Variants in TAF4 observed in about 807,000 individuals in gnomAD.
TAF4 encodes the protein transcription initiation factor TFIID subunit 4.
In TAF4, 9 loss-of-function variants were observed where a neutral mutation model predicts 90.3. The ratio of observed to expected loss-of-function variants is 0.10; its 90% CI spans 0.06 to 0.17. The LOEUF (loss-of-function observed/expected upper bound fraction) is 0.17, where lower values mean the gene tolerates loss of function less well. Ranked by LOEUF, TAF4 falls within the 10% of genes least tolerant of loss-of-function variation. The probability of loss-of-function intolerance (pLI) is 1.00; values close to 1 mark genes in which losing one functional copy is unlikely to be tolerated. For synonymous variants in TAF4, 818 were observed against 638.9 expected (o/e 1.28, Z -4.23); for missense variants, 1,351 against 1,370.7 (o/e 0.99, Z 0.23).
intron 1 of TAF4, among the ~76,000 whole-genome samples, chr20:62,018,288 A>G (rs1053754797): frequency 6.6e-6 from 1 of 152,188 alleles, no homozygotes; most frequent in African/African-American, 2.4e-5. Flanking sequence ...CTGTGTGATG[A>G]TCTGAGGACA....
At chr20:61,992,374 GT>G (rs1458542096) in intron 14 of TAF4, among the ~76,000 whole-genome samples, 5 of 152,130 alleles carry the variant, frequency 3.3e-5, no homozygotes, top group Non-Finnish European at 7.3e-5. Flanking sequence ...ATGTCCAAAG[GT>G]AGGAGATATT....
chr20:62,064,328 C>T (rs1237472756), intron 1 of TAF4, 123 bp downstream of exon 1: 5 of 1,163,236 alleles, frequency 4.3e-6, no homozygotes, highest in East Asian at 3.2e-5. Context: ...GCCCCTCGGC[C>T]TGCTCCAGCC....
chr20:62,008,938 G>A (rs959235152), intron 5 of TAF4, 114 bp downstream of exon 5: 7 of 1,410,466 alleles, frequency 5.0e-6, no homozygotes, highest in Admixed American at 2.4e-5. Context: ...CAGCCTTCCA[G>A]AGGAGCTCTC....
In TAF4 at chr20:62,064,527, C is replaced by A; in HGVS notation, c.1284G>T (p.Thr428=). The A allele has an allele frequency of 1.3e-6, 2 of 1,529,834 alleles. No individual in the cohort carries two copies. The highest frequency in any genetic ancestry group is 1.8e-6 in the Non-Finnish European group (2 of 1,142,320). 94.8% of individuals were successfully genotyped at this position (1,529,834 alleles called of 1,614,324 possible). Residue 428 remains threonine, a synonymous_variant, in exon 1 of 15, where the codon ACG becomes ACT. Transcript: ENST00000252996. The stretch of plus-strand genomic sequence containing the variant: ...GCAAGCGGGGGGCCAGCACGGTGGG[C>A]GTCAGGGTGGCCCGAATCCCGCTGG... ...ATTSGIRATL[T]PTVLAPRLPQ...
At chr20:62,019,226 T>C (rs529670217) in intron 1 of TAF4, among the ~76,000 whole-genome samples, 1 of 152,328 alleles carries the variant, frequency 6.6e-6, no homozygotes, top group East Asian at 1.9e-4. Context: ...GCCCCTCTCC[T>C]GGCTGGCACA....
At chr20:61,988,025 G>A (rs1460724048) in intron 14 of TAF4, among the ~76,000 whole-genome samples, 3 of 152,192 alleles carry the variant, frequency 2.0e-5, no homozygotes, top group Non-Finnish European at 2.9e-5. Context: ...GAAACTAGGA[G>A]ACAATAAGAT....
intron 9 of TAF4, among the ~76,000 whole-genome samples, chr20:62,001,238 G>GA (rs1290218678): frequency 6.6e-6 from 1 of 152,200 alleles, no homozygotes; most frequent in Non-Finnish European, 1.5e-5. Context: ...ACCGGGCCAT[G>GA]ATGAATGGCC....
chr20:62,065,340 G>A lies in TAF4; in HGVS notation c.471C>T (p.Pro157=), dbSNP rs2056123649. 3.1e-6 allele frequency: 3 copies of A among 961,900 alleles called. No individual in the cohort carries two copies. Among genetic ancestry groups the A allele is most frequent in the Non-Finnish European group, 3.7e-6 (3 of 814,446 alleles). 59.6% of individuals were successfully genotyped at this position (961,900 alleles called of 1,614,324 possible). A position where few individuals can be genotyped will look rare whatever the true frequency, so the allele number is the denominator to read the frequency against. ...GCGCGGCGGGGCCGGCGGGCTTGGCGGGGCCGGCGGGGGCGGGCTCGGGCC... is the reference window on the plus strand; with the variant it reads ...GCGCGGCGGGGCCGGCGGGCTTGGCAGGGCCGGCGGGGGCGGGCTCGGGCC... The part of the protein sequence containing the change: ...AAGPEPAPAG[P]AKPAGPAALA... The change falls in exon 1 of 15, where the codon CCC becomes CCT. Residue 157 remains proline (P), a synonymous_variant. Transcript: ENST00000252996.
intron 7 of TAF4, among the ~76,000 whole-genome samples, chr20:62,004,323 C>CTTT (rs1434356168): frequency 7.9e-5 from 9 of 114,002 alleles, no homozygotes; most frequent in African/African-American, 2.7e-4. Context: ...TTTTTCTTTT[C>CTTT]TTTTCTTTTT....
chr20:61,989,114 C>A (rs1417702065), intron 14 of TAF4, among the ~76,000 whole-genome samples: 6 of 152,140 alleles, frequency 3.9e-5, no homozygotes, highest in African/African-American at 1.4e-4. Flanking sequence ...GCGTGCTAGG[C>A]AAGGACCGTA....
At chr20:61,989,121 C>T (rs2055614780) in intron 14 of TAF4, among the ~76,000 whole-genome samples, 1 of 152,078 alleles carries the variant, frequency 6.6e-6, no homozygotes, top group African/African-American at 2.4e-5. Flanking sequence ...AGGCAAGGAC[C>T]GTAGTCTCAA....
Position 62,059,053 on chromosome 20 carries a change from C to T in TAF4, c.1360+5398G>A, listed in dbSNP as rs547106194. On this transcript the variant is annotated intron_variant, in intron 1 of 14. Coordinates refer to ENST00000252996, the MANE Select transcript of TAF4 (RefSeq NM_003185.4). ...AGACAACTTCTCCTGTCCCCACATG[C>T]GGCTCCCAACAAACAATTTCTCCTG... Among the ~76,000 whole-genome samples the T allele has an allele frequency of 1.1e-3, 166 of 152,284 alleles. 9 individuals are homozygous for T. The highest frequency in any genetic ancestry group is 5.2e-4 in the Admixed American group (8 of 15,306).
intron 1 of TAF4, among the ~76,000 whole-genome samples, chr20:62,028,297 CTT>C (rs1372510173): frequency 6.6e-6 from 1 of 152,188 alleles, no homozygotes; most frequent in African/African-American, 2.4e-5. Context: ...ATTGAATTCT[CTT>C]TAAGTTAACT....
chr20:62,022,861 GCC>G (rs5842371), intron 1 of TAF4, among the ~76,000 whole-genome samples: 29,506 of 148,406 alleles, frequency 0.2, 3,636 homozygotes, highest in East Asian at 0.47. Flanking sequence ...AGCACTTGCA[GCC>G]CCCCCCCCGC....
intron 14 of TAF4, among the ~76,000 whole-genome samples, chr20:61,982,340 A>T (rs1490514841): frequency 1.0e-4 from 1 of 9,554 alleles, no homozygotes; most frequent in African/African-American, 4.0e-4. Context: ...CCAAACCCAC[A>T]CCCACCCTAG....
At chr20:62,055,586 G>C (rs773537589) in intron 1 of TAF4, among the ~76,000 whole-genome samples, 2 of 152,132 alleles carry the variant, frequency 1.3e-5, no homozygotes, top group Non-Finnish European at 2.9e-5. Flanking sequence ...ACTGTGTACA[G>C]GCAGCCCTAC....
chr20:62,044,089 C>T (rs1427005422), intron 1 of TAF4, among the ~76,000 whole-genome samples: 3 of 152,220 alleles, frequency 2.0e-5, no homozygotes, highest in Non-Finnish European at 4.4e-5. Flanking sequence ...TTATTATATG[C>T]TTTTTGCCTT....
rs753841358 is a variant in TAF4 at position 62,006,477 on chromosome 20, G to C, written c.2223+33C>G. The C allele has an allele frequency of 1.4e-6, 2 of 1,413,794 alleles. No individual in the cohort carries two copies. The allele number at this position is 1,413,794 out of a possible 1,614,324, so 87.6% of individuals were successfully genotyped here. ...GCGGGCGGGAGCAGAGGCACGGTGG[G>C]CTGTGCAGACCAGTCAGGCGCCCCT... On this transcript the variant is annotated intron_variant, in intron 7 of 14. Coordinates refer to ENST00000252996, the MANE Select transcript of TAF4 (RefSeq NM_003185.4). The surrounding 1 kb of genome is among the most constrained non-coding windows in gnomAD (Gnocchi z 7.0).
intron 14 of TAF4, among the ~76,000 whole-genome samples, chr20:61,995,996 G>A (rs1361287364): frequency 6.6e-6 from 1 of 151,936 alleles, no homozygotes; most frequent in African/African-American, 2.4e-5. Context: ...AATATCCTGA[G>A]AACCACAGCA....
Sources: allele counts gnomAD v4.1 joint callset (sites outside exome capture counted in the v4.1 genomes callset), GRCh38; gene constraint gnomAD v4.1.1; non-coding constraint Gnocchi (gnomAD v3.1); transcripts MANE v1.5; gene names NCBI Gene and HGNC (gene_info 2026-07-23, HGNC 2026-07-21).